The following GRIK1 variants were observed in gnomAD, a reference collection of about 807,000 sequenced individuals.
GRIK1 encodes glutamate ionotropic receptor kainate type subunit 1.
Under a neutral mutation model 105.7 loss-of-function variants are expected in GRIK1, and 69 were observed. The observed-to-expected ratio is 0.65, with a 90% confidence interval of 0.54 to 0.80. GRIK1 has a LOEUF of 0.80. Among genes scored for constraint, GRIK1 ranks in the 30% least tolerant of loss-of-function variants. GRIK1 has a pLI of 0.00. For synonymous variants in GRIK1, 438 were observed against 431.3 expected (o/e 1.02, Z -0.19); for missense variants, 1,109 against 1,167.3 (o/e 0.95, Z 0.73).
At chr21:29,729,591 G>A (rs187500525) in intron 1 of GRIK1, among the ~76,000 whole-genome samples, 41 of 152,224 alleles carry the variant, frequency 2.7e-4, no homozygotes, top group African/African-American at 9.6e-4. Context: ...GAAATAAATA[G>A]GCAACAGAAT....
chr21:29,663,845 A>C (rs76544968), intron 4 of GRIK1, among the ~76,000 whole-genome samples: 5,262 of 152,248 alleles, frequency 0.035, 155 homozygotes, highest in African/African-American at 0.074. Context: ...CTCAGAATGA[A>C]TAGTGTTTTA....
At chr21:29,934,161 G>A (rs570643992) in intron 1 of GRIK1, among the ~76,000 whole-genome samples, 1 of 152,288 alleles carries the variant, frequency 6.6e-6, no homozygotes, top group South Asian at 2.1e-4. Context: ...TAGGTAGTGA[G>A]GCTTCCTCTC....
chr21:29,661,163 T>C (rs893296851), intron 4 of GRIK1, among the ~76,000 whole-genome samples: 6 of 152,208 alleles, frequency 3.9e-5, no homozygotes, highest in Admixed American at 6.5e-5. Context: ...TGAATGATTA[T>C]AGCTTACATC....
chr21:29,873,586 T>C (rs2069093198), intron 1 of GRIK1, among the ~76,000 whole-genome samples: 1 of 152,214 alleles, frequency 6.6e-6, no homozygotes, highest in African/African-American at 2.4e-5. Flanking sequence ...CTTTTATGAT[T>C]ATATTGTTCT....
chr21:29,679,052 TCA>T (rs2063325376), intron 3 of GRIK1, among the ~76,000 whole-genome samples: 1 of 152,228 alleles, frequency 6.6e-6, no homozygotes, highest in African/African-American at 2.4e-5. Flanking sequence ...TTTCACTTAC[TCA>T]CAGGCTGGTT....
At chr21:29,786,698 C>T (rs1317600126) in intron 1 of GRIK1, among the ~76,000 whole-genome samples, 1 of 152,124 alleles carries the variant, frequency 6.6e-6, no homozygotes, top group African/African-American at 2.4e-5. Flanking sequence ...ATGACTGTAG[C>T]ACATGGAGGA....
chr21:29,878,743 T>C (rs2069284698), intron 1 of GRIK1, among the ~76,000 whole-genome samples: 1 of 152,112 alleles, frequency 6.6e-6, no homozygotes, highest in Non-Finnish European at 1.5e-5. Context: ...ACATCAAGAC[T>C]AAGAAGGCCA....
At chr21:29,853,289 T>G (rs1456151555) in intron 1 of GRIK1, among the ~76,000 whole-genome samples, 2 of 152,234 alleles carry the variant, frequency 1.3e-5, no homozygotes, top group Non-Finnish European at 2.9e-5. Context: ...TCAGCACTAT[T>G]GACATTTTGG....
At chr21:29,759,030 G>T (rs568634891) in intron 1 of GRIK1, 1 of 153,268 alleles carries the variant, frequency 6.5e-6, no homozygotes, top group Non-Finnish European at 1.5e-5. Flanking sequence ...TCCCGATTAA[G>T]TTTCTGGCTT....
intron 1 of GRIK1, among the ~76,000 whole-genome samples, chr21:29,849,501 C>T (rs111999151): frequency 7.2e-4 from 110 of 152,278 alleles, no homozygotes; most frequent in African/African-American, 2.4e-3. Context: ...TTGTTTCCTG[C>T]GCCCATCCTT....
chr21:29,569,789 A>G (rs569216484), intron 14 of GRIK1, among the ~76,000 whole-genome samples: 53 of 152,368 alleles, frequency 3.5e-4, no homozygotes, highest in Admixed American at 2.2e-3. Context: ...AAGGTAATTA[A>G]TAGAATTCCA....
chr21:29,791,043 C>A (rs776636254), intron 1 of GRIK1, among the ~76,000 whole-genome samples: 44 of 152,238 alleles, frequency 2.9e-4, no homozygotes, highest in Non-Finnish European at 5.3e-4. Flanking sequence ...GTGGTTGGAA[C>A]AGTTAGTGCA....
At chr21:29,860,489 G>A (rs1049095284) in intron 1 of GRIK1, among the ~76,000 whole-genome samples, 8 of 152,190 alleles carry the variant, frequency 5.3e-5, no homozygotes, top group African/African-American at 1.9e-4. Context: ...GCCCTCACCT[G>A]AGCTCCCTTC....
At chr21:29,865,062 A>T (rs1027412939) in intron 1 of GRIK1, among the ~76,000 whole-genome samples, 2 of 152,234 alleles carry the variant, frequency 1.3e-5, no homozygotes, top group African/African-American at 4.8e-5. Context: ...AGTGATCAGG[A>T]AGTAAGTTCC....
intron 1 of GRIK1, among the ~76,000 whole-genome samples, chr21:29,745,803 T>C (rs1248634496): frequency 2.0e-5 from 3 of 152,224 alleles, no homozygotes; most frequent in Non-Finnish European, 4.4e-5. Flanking sequence ...TTTGTATTTC[T>C]TAAAATTGAG....
At chr21:29,617,480 T>C (rs363437) in intron 7 of GRIK1, among the ~76,000 whole-genome samples, 9,608 of 152,258 alleles carry the variant, frequency 0.063, 447 homozygotes, top group African/African-American at 0.12. Flanking sequence ...GTTAATAAAG[T>C]GATGCTCTTA....
intron 1 of GRIK1, among the ~76,000 whole-genome samples, chr21:29,841,239 T>G (rs1303162561): frequency 6.6e-6 from 1 of 152,196 alleles, no homozygotes; most frequent in East Asian, 1.9e-4. Context: ...ATGTCTTTAT[T>G]GAATTCAGCA....
At chr21:29,560,324 TTTCTTTC>T (rs2090373342) in intron 15 of GRIK1, among the ~76,000 whole-genome samples, 1 of 122,652 alleles carries the variant, frequency 8.2e-6, no homozygotes, top group Non-Finnish European at 1.6e-5. Flanking sequence ...TCTTTCTTTC[TTTCTTTC>T]TTTCTTTCTT....
chr21:29,712,996 G>C (rs1241752365), intron 1 of GRIK1, among the ~76,000 whole-genome samples: 1 of 151,906 alleles, frequency 6.6e-6, no homozygotes, highest in Non-Finnish European at 1.5e-5. Flanking sequence ...GTTGACAGCT[G>C]AGTGTTTCAA....
Sources: allele counts gnomAD v4.1 joint callset (sites outside exome capture counted in the v4.1 genomes callset), GRCh38; gene constraint gnomAD v4.1.1; transcripts MANE v1.5; gene names NCBI Gene and HGNC (gene_info 2026-07-23, HGNC 2026-07-21).